Variants in OTUD7A observed in about 807,000 individuals in gnomAD.
OTUD7A encodes OTU domain-containing protein 7A.
A neutral mutation model predicts 65.7 loss-of-function variants in OTUD7A; 12 were observed. The observed-to-expected ratio is 0.18, with a 90% CI of 0.12 to 0.30. The LOEUF is 0.30. Ranked by LOEUF, OTUD7A falls within the 10% of genes least tolerant of loss-of-function variation. The probability of loss-of-function intolerance (pLI) is 1.00; values close to 1 mark genes in which losing one functional copy is unlikely to be tolerated. For synonymous variants in OTUD7A, 641 were observed against 586.3 expected, an observed-to-expected ratio of 1.09 and a Z score of -1.35; for missense variants, 1,148 against 1,304.8, an observed-to-expected ratio of 0.88 and a Z score of 1.85.
In OTUD7A at chr15:31,483,837, C is replaced by G. The variant is rs1490935687; in HGVS notation, c.2259G>C (p.Gly753=). 3 of 986,354 alleles carry G rather than the reference C, an allele frequency of 3.0e-6. No individual in the cohort carries two copies. Among genetic ancestry groups the G allele is most frequent in the East Asian group, 1.1e-4 (1 of 8,940 alleles). The allele number at this position is 986,354 out of a possible 1,614,324, so 61.1% of individuals were successfully genotyped here. A position where few individuals can be genotyped will look rare whatever the true frequency, so the allele number is the denominator to read the frequency against. ...RAAAGGTASP[G]GGARRASASG... is the part of the protein sequence containing the mutation. Reference sequence around the variant, plus strand: ...TGGCGCTCGCACGCCGCGCGCCTCCCCCCGGGGAGGCCGTGCCGCCCGCCG... The same window carrying G: ...TGGCGCTCGCACGCCGCGCGCCTCCGCCCGGGGAGGCCGTGCCGCCCGCCG... The change falls in exon 13 of 13, where the codon GGG becomes GGC. Residue 753 remains glycine (G), a synonymous_variant. Coordinates refer to ENST00000307050, the MANE Select transcript of OTUD7A (RefSeq NM_001382637.1).
At chr15:31,683,025 C>T (rs1892754684) in intron 1 of OTUD7A, among the ~76,000 whole-genome samples, 1 of 152,200 alleles carries the variant, frequency 6.6e-6, no homozygotes, top group South Asian at 2.1e-4. Context: ...AGTTTCCAGA[C>T]CACTTAGAGT....
intron 1 of OTUD7A, among the ~76,000 whole-genome samples, chr15:31,718,117 A>G (rs1279756852): frequency 6.6e-6 from 1 of 152,190 alleles, no homozygotes; most frequent in African/African-American, 2.4e-5. Context: ...GAACCACCTC[A>G]GGGACAAATC....
chr15:31,861,291 G>A (rs1397958808), intron 1 of OTUD7A, among the ~76,000 whole-genome samples: 1 of 152,040 alleles, frequency 6.6e-6, no homozygotes, highest in Non-Finnish European at 1.5e-5. Context: ...TCCCCAGCCT[G>A]GACCAGGTTC....
intron 8 of OTUD7A, among the ~76,000 whole-genome samples, chr15:31,506,473 T>A (rs917700885): frequency 2.0e-5 from 3 of 152,224 alleles, no homozygotes; most frequent in African/African-American, 7.2e-5. Flanking sequence ...AGCATTTATA[T>A]AAACTTGAGG....
chr15:31,803,310 T>TA (rs992997920), intron 1 of OTUD7A, among the ~76,000 whole-genome samples: 1 of 151,972 alleles, frequency 6.6e-6, no homozygotes, highest in Admixed American at 6.5e-5. Context: ...TCAACAACCT[T>TA]AAAAAAAAGT....
At chr15:31,495,619 A>G (rs1275290054) in intron 10 of OTUD7A, among the ~76,000 whole-genome samples, 1 of 152,164 alleles carries the variant, frequency 6.6e-6, no homozygotes, top group African/African-American at 2.4e-5. Context: ...GCCCAGTGAG[A>G]CTGGCCACAC....
chr15:31,806,508 A>C (rs1434585191), intron 1 of OTUD7A, among the ~76,000 whole-genome samples: 1 of 152,166 alleles, frequency 6.6e-6, no homozygotes, highest in Non-Finnish European at 1.5e-5. Flanking sequence ...GGCCTGTTAC[A>C]ATTTTTACTT....
intron 1 of OTUD7A, among the ~76,000 whole-genome samples, chr15:31,840,889 A>G (rs1321552553): frequency 6.6e-6 from 1 of 152,196 alleles, no homozygotes; most frequent in Non-Finnish European, 1.5e-5. Flanking sequence ...GATACAATCT[A>G]CTATGTGCCA....
chr15:31,635,124 G>C (rs559750396), intron 3 of OTUD7A, among the ~76,000 whole-genome samples: 7 of 152,318 alleles, frequency 4.6e-5, no homozygotes, highest in South Asian at 2.1e-4. Flanking sequence ...GTCTGTGACT[G>C]AAGCTTTTAA....
At chr15:31,838,459 CCACAAAGACCAG>C (rs1897107510) in intron 1 of OTUD7A, among the ~76,000 whole-genome samples, 1 of 152,102 alleles carries the variant, frequency 6.6e-6, no homozygotes, top group Non-Finnish European at 1.5e-5. Flanking sequence ...CCACCCAAAC[CCACAAAGACCAG>C]GTCTCCAAGC....
At chr15:31,532,613 G>A (rs1208488823) in intron 5 of OTUD7A, among the ~76,000 whole-genome samples, 4 of 151,970 alleles carry the variant, frequency 2.6e-5, no homozygotes, top group South Asian at 2.1e-4. Flanking sequence ...TAGAAGAGGC[G>A]AAATAAGGTA....
chr15:31,501,892 A>T (rs2041472761), intron 9 of OTUD7A, 53 bp from the exon 10 acceptor site: 1 of 1,555,722 alleles, frequency 6.4e-7, no homozygotes, highest in Non-Finnish European at 8.7e-7. Context: ...TCGAGCTGGG[A>T]GGGGAGGCCC....
intron 1 of OTUD7A, among the ~76,000 whole-genome samples, chr15:31,728,858 ATTC>A (rs1393472730): frequency 3.1e-4 from 47 of 152,204 alleles, no homozygotes; most frequent in African/African-American, 1.1e-3. Context: ...TATGTCTGTC[ATTC>A]TCCCCTGGAG....
At chr15:31,642,094 AGTTTTCTGAGT>A (rs71424603) in intron 3 of OTUD7A, among the ~76,000 whole-genome samples, 5,616 of 152,206 alleles carry the variant, frequency 0.037, 160 homozygotes, top group Middle Eastern at 0.078. Context: ...TTCTATTCCT[AGTTTTCTGAGT>A]GTTTTCTAAA....
chr15:31,774,993 T>A (rs1024800174), intron 1 of OTUD7A, among the ~76,000 whole-genome samples: 2 of 145,724 alleles, frequency 1.4e-5, no homozygotes, highest in African/African-American at 2.6e-5. Flanking sequence ...AAAAAAGTGA[T>A]ACTGCTGTAA....
chr15:31,612,931 T>C (rs1890474333), intron 3 of OTUD7A, among the ~76,000 whole-genome samples: 1 of 152,208 alleles, frequency 6.6e-6, no homozygotes, highest in Non-Finnish European at 1.5e-5. Context: ...AGCATGGTAC[T>C]GGTACAAAAG....
chr15:31,791,523 G>A (rs1895815541), intron 1 of OTUD7A, among the ~76,000 whole-genome samples: 1 of 152,050 alleles, frequency 6.6e-6, no homozygotes, highest in Non-Finnish European at 1.5e-5. Flanking sequence ...TCTAGTTGTA[G>A]AATAGGGAAA....
intron 5 of OTUD7A, among the ~76,000 whole-genome samples, chr15:31,541,343 T>C (rs1354504056): frequency 6.6e-6 from 1 of 152,212 alleles, no homozygotes; most frequent in Non-Finnish European, 1.5e-5. Context: ...ATTTCTTATA[T>C]CCCTACAAAC....
chr15:31,552,592 G>A (rs1165231402), intron 5 of OTUD7A, among the ~76,000 whole-genome samples: 2 of 152,168 alleles, frequency 1.3e-5, no homozygotes, highest in African/African-American at 2.4e-5. Context: ...GCTTCATCAC[G>A]ACGTCACAGA....
Sources: gnomAD v4.1 joint callset for allele counts (sites outside exome capture counted in the v4.1 genomes callset) on GRCh38, gnomAD v4.1.1 for gene constraint, MANE v1.5 for transcripts, NCBI Gene and HGNC (gene_info 2026-07-23, HGNC 2026-07-21) for gene names.